DLG2: variants seen among roughly 807,000 people sequenced by gnomAD.
DLG2 encodes the protein discs large MAGUK scaffold protein 2.
A neutral mutation model predicts 132.5 loss-of-function variants in DLG2; 45 were observed. That is an observed-to-expected ratio of 0.34 (90% CI 0.27 to 0.44). DLG2 has a LOEUF of 0.44. Ranked by LOEUF, DLG2 falls within the 20% of genes least tolerant of loss-of-function variation. DLG2 has a pLI of 1.00. For missense variants in DLG2, 1,045 were observed against 1,196.9 expected (o/e 0.87, Z 1.87); for synonymous variants, 424 against 419.6 (o/e 1.01, Z -0.13).
At chr11:84,843,267 C>A (rs578245140) in intron 6 of DLG2, among the ~76,000 whole-genome samples, 1 of 150,004 alleles carries the variant, frequency 6.7e-6, no homozygotes, top group Non-Finnish European at 1.5e-5. Context: ...GTTTGTATAT[C>A]AATTACACCT....
intron 4 of DLG2, among the ~76,000 whole-genome samples, chr11:85,174,463 A>C (rs2079083316): frequency 6.6e-6 from 1 of 152,338 alleles, no homozygotes; most frequent in East Asian, 1.9e-4. Context: ...AAACAACTAA[A>C]GCAGTGTTAA....
At chr11:84,320,775 A>G (rs1180275974) in intron 7 of DLG2, among the ~76,000 whole-genome samples, 1 of 152,222 alleles carries the variant, frequency 6.6e-6, no homozygotes, top group Non-Finnish European at 1.5e-5. Flanking sequence ...CAGAGGATTT[A>G]ATAGAAGGTA....
At chr11:84,921,314 T>C (rs79474338) in intron 6 of DLG2, among the ~76,000 whole-genome samples, 2,008 of 152,182 alleles carry the variant, frequency 0.013, 38 homozygotes, top group African/African-American at 0.045. Context: ...ACTAATCTAC[T>C]CAAAGGAAGG....
chr11:85,533,897 C>T (rs2075387659), intron 3 of DLG2, among the ~76,000 whole-genome samples: 1 of 152,188 alleles, frequency 6.6e-6, no homozygotes, highest in African/African-American at 2.4e-5. Context: ...AGGCTGTTTA[C>T]AAATGTTTAA....
intron 8 of DLG2, among the ~76,000 whole-genome samples, chr11:84,184,806 A>G (rs568558126): frequency 3.9e-5 from 6 of 152,108 alleles, no homozygotes; most frequent in African/African-American, 1.4e-4. Context: ...CAGTTTTCCC[A>G]GCACCATTTA....
At chr11:85,048,307 A>C (rs2062554134) in intron 6 of DLG2, among the ~76,000 whole-genome samples, 3 of 151,930 alleles carry the variant, frequency 2.0e-5, no homozygotes, top group African/African-American at 4.8e-5. Flanking sequence ...CACAGGCTTA[A>C]ATCGCTTAGA....
chr11:85,518,798 G>GC (rs1042888711), intron 3 of DLG2, among the ~76,000 whole-genome samples: 5 of 152,126 alleles, frequency 3.3e-5, no homozygotes, highest in Admixed American at 3.3e-4. Flanking sequence ...GGTGGGCCAG[G>GC]CCCAGGGACC....
chr11:85,123,333 G>A (rs75686545), intron 5 of DLG2, among the ~76,000 whole-genome samples: 1,603 of 152,094 alleles, frequency 0.011, 30 homozygotes, highest in African/African-American at 0.035. Context: ...ATGTATAGGA[G>A]TGGAAAGATA....
intron 10 of DLG2, among the ~76,000 whole-genome samples, chr11:84,071,607 A>C (rs913926896): frequency 6.6e-6 from 1 of 152,136 alleles, no homozygotes; most frequent in Admixed American, 6.5e-5. Context: ...ATTCTGGGGA[A>C]AAAAGTTGTA....
chr11:85,623,765 A>T (rs1591400541), intron 2 of DLG2, among the ~76,000 whole-genome samples: 1 of 152,252 alleles, frequency 6.6e-6, no homozygotes, highest in South Asian at 2.1e-4. Flanking sequence ...TTTTATCTTT[A>T]AAACAGCAAC....
chr11:83,962,769 T>C lies in DLG2; in HGVS notation c.1340+116A>G, dbSNP rs2089179946. ...CACCTGAGGCAAAACTACAATAAGG[T>C]TGAATGGGACCCAGAAGCTTTAGTT... On this transcript the variant is annotated intron_variant, in intron 14 of 27. Coordinates refer to ENST00000376104, the MANE Select transcript of DLG2 (RefSeq NM_001142699.3). The C allele has an allele frequency of 3.0e-6, 4 of 1,339,474 alleles. No individual in the cohort carries two copies. In the Admixed American group the frequency reaches 8.1e-5, roughly 27 times the overall value. 83.0% of individuals were successfully genotyped at this position (1,339,474 alleles called of 1,614,324 possible).
chr11:84,491,479 T>C (rs2099165041), intron 7 of DLG2, among the ~76,000 whole-genome samples: 1 of 152,170 alleles, frequency 6.6e-6, no homozygotes, highest in African/African-American at 2.4e-5. Flanking sequence ...TGGGTATGTC[T>C]TTATCAGCAA....
chr11:83,822,784 T>C (rs1373267515), intron 17 of DLG2, among the ~76,000 whole-genome samples: 1 of 152,120 alleles, frequency 6.6e-6, no homozygotes, highest in Non-Finnish European at 1.5e-5. Flanking sequence ...TTTTTTTTCA[T>C]ATAAGTTACC....
chr11:84,912,027 C>T (rs553673850), intron 6 of DLG2, among the ~76,000 whole-genome samples: 1 of 152,290 alleles, frequency 6.6e-6, no homozygotes, highest in South Asian at 2.1e-4. Flanking sequence ...AGCCCATGTT[C>T]TTGGGATCCA....
At chr11:83,924,701 T>G (rs1327639668) in intron 15 of DLG2, among the ~76,000 whole-genome samples, 1 of 152,108 alleles carries the variant, frequency 6.6e-6, no homozygotes, top group African/African-American at 2.4e-5. Flanking sequence ...GAGGTACTAT[T>G]CAGGGGCTTA....
intron 6 of DLG2, among the ~76,000 whole-genome samples, chr11:85,057,021 A>T (rs1387156087): frequency 6.6e-6 from 1 of 151,902 alleles, no homozygotes; most frequent in African/African-American, 2.4e-5. Context: ...AGGGCCAAAA[A>T]TAGGGTCAAT....
intron 5 of DLG2, among the ~76,000 whole-genome samples, chr11:85,136,555 T>G (rs2076156753): frequency 6.6e-6 from 1 of 152,174 alleles, no homozygotes. Flanking sequence ...ATAAAAAGCC[T>G]CAGCCTGCAA....
chr11:83,695,723 A>C (rs1443758320), intron 18 of DLG2, among the ~76,000 whole-genome samples: 1 of 152,122 alleles, frequency 6.6e-6, no homozygotes, highest in Non-Finnish European at 1.5e-5. Flanking sequence ...TGGGTGACAG[A>C]GTGAGACTCC....
At chr11:83,532,837 A>C in intron 20 of DLG2, 54 bp from the exon 21 acceptor site, 1 of 1,466,954 alleles carries the variant, frequency 6.8e-7, no homozygotes, top group Non-Finnish European at 9.5e-7. Context: ...TTTATGACTA[A>C]GTTCCATATT....
Sources: allele counts gnomAD v4.1 joint callset (sites outside exome capture counted in the v4.1 genomes callset), GRCh38; gene constraint gnomAD v4.1.1; transcripts MANE v1.5; gene names NCBI Gene and HGNC (gene_info 2026-07-23, HGNC 2026-07-21).